ANTXR2: variants seen among roughly 807,000 people sequenced by gnomAD.
ANTXR2 encodes ANTXR cell adhesion molecule 2, also known as anthrax toxin receptor 2.
Under a neutral mutation model 73.7 loss-of-function variants are expected in ANTXR2, and 44 were observed. That is an observed-to-expected ratio of 0.60 (90% CI 0.47 to 0.77). The LOEUF (loss-of-function observed/expected upper bound fraction) is 0.77, where lower values mean the gene tolerates loss of function less well. Ranked by LOEUF, ANTXR2 falls within the 30% of genes least tolerant of loss-of-function variation. The pLI, the probability that ANTXR2 is intolerant of heterozygous loss-of-function variation, is 0.00. For missense variants in ANTXR2, 604 were observed against 592.5 expected (o/e 1.02, Z -0.20); for synonymous variants, 217 against 205.9 (o/e 1.05, Z -0.46).
intron 8 of ANTXR2, among the ~76,000 whole-genome samples, 178 bp from the exon 9 acceptor site, chr4:80,033,748 T>C (rs1732815824): frequency 6.6e-6 from 1 of 152,056 alleles, no homozygotes; most frequent in South Asian, 2.1e-4. Context: ...CCAGACCCTC[T>C]AGGTAAATGT....
intron 16 of ANTXR2, among the ~76,000 whole-genome samples, chr4:79,956,085 A>G (rs909094347): frequency 1.3e-5 from 2 of 152,154 alleles, no homozygotes; most frequent in African/African-American, 4.8e-5. Flanking sequence ...CACAACTTCT[A>G]AGGTTTCTTG....
chr4:79,916,672 C>T (rs1269891758), intron 16 of ANTXR2, among the ~76,000 whole-genome samples: 3 of 151,768 alleles, frequency 2.0e-5, no homozygotes, highest in African/African-American at 4.8e-5. Context: ...AGAGAAAAGT[C>T]GAATAAATTA....
chr4:80,038,194 C>T (rs975240608), intron 7 of ANTXR2, among the ~76,000 whole-genome samples: 3 of 152,008 alleles, frequency 2.0e-5, no homozygotes, highest in South Asian at 2.1e-4. Flanking sequence ...AACATGCATC[C>T]GGAATGACTT....
At chr4:79,958,066 T>A (rs1056545875) in intron 16 of ANTXR2, among the ~76,000 whole-genome samples, 17 of 152,084 alleles carry the variant, frequency 1.1e-4, no homozygotes, top group Admixed American at 1.3e-4. Flanking sequence ...TTCATCTTTT[T>A]TCCTTTTCTT....
chr4:79,981,794 A>G (rs1159986891), intron 14 of ANTXR2, among the ~76,000 whole-genome samples: 6 of 152,096 alleles, frequency 3.9e-5, no homozygotes, highest in Non-Finnish European at 7.4e-5. Context: ...GGAATACTCC[A>G]TGCAAGGTAG....
intron 16 of ANTXR2, among the ~76,000 whole-genome samples, chr4:79,954,979 G>A (rs1259139694): frequency 6.6e-6 from 1 of 152,164 alleles, no homozygotes; most frequent in Non-Finnish European, 1.5e-5. Flanking sequence ...AACAGTTCCA[G>A]TATCTATATG....
chr4:80,036,005 G>T lies in ANTXR2; in HGVS notation c.664C>A (p.Leu222Ile). 1 of 1,532,344 alleles carries T rather than the reference G, an allele frequency of 6.5e-7. No homozygotes were observed. The highest frequency in any genetic ancestry group is 2.2e-5 in the Admixed American group (1 of 46,510). 94.9% of individuals were successfully genotyped at this position (1,532,344 alleles called of 1,614,324 possible). Residue 222 changes from leucine (L) to isoleucine (I), a missense_variant, in exon 8 of 17, where the codon CTA becomes ATA. Leu to Ile is a conservative substitution (Grantham distance 5, BLOSUM62 2). Transcript: ENST00000403729. ...CAGACACTTGAGGGCTGCAATTCTA[G>T]GATTTCAGTACATGACTGAGCTAGT... ...SILAQSCTEI[L>I]ELQPSSVCVG...
At chr4:79,919,873 ATAT>A (rs1727511002) in intron 16 of ANTXR2, among the ~76,000 whole-genome samples, 1 of 5,256 alleles carries the variant, frequency 1.9e-4, no homozygotes, top group African/African-American at 8.5e-4. Context: ...TTTTATATAT[ATAT>A]ATATATATAT....
At chr4:79,946,820 G>A (rs1728534148) in intron 16 of ANTXR2, among the ~76,000 whole-genome samples, 1 of 152,070 alleles carries the variant, frequency 6.6e-6, no homozygotes, top group Admixed American at 6.6e-5. Context: ...GTTTAGAATG[G>A]TTGCTGTTAC....
At chr4:79,916,505 A>G (rs1422600242) in intron 16 of ANTXR2, among the ~76,000 whole-genome samples, 2 of 152,120 alleles carry the variant, frequency 1.3e-5, no homozygotes, top group African/African-American at 4.8e-5. Flanking sequence ...TCTAATCTCA[A>G]TTAGAATACA....
At chr4:80,040,177 A>G (rs1309327399) in intron 7 of ANTXR2, among the ~76,000 whole-genome samples, 1 of 151,978 alleles carries the variant, frequency 6.6e-6, no homozygotes, top group Admixed American at 6.6e-5. Context: ...TATGTTCAGT[A>G]CCTGGGTGAT....
intron 11 of ANTXR2, among the ~76,000 whole-genome samples, chr4:80,014,077 T>A (rs1198702098): frequency 6.6e-6 from 1 of 152,152 alleles, no homozygotes; most frequent in South Asian, 2.1e-4. Flanking sequence ...ACCTTGGAAT[T>A]CTATCTTCCT....
At chr4:79,963,627 C>T (rs929975474) in intron 16 of ANTXR2, among the ~76,000 whole-genome samples, 95 of 152,164 alleles carry the variant, frequency 6.2e-4, no homozygotes, top group African/African-American at 2.2e-3. Flanking sequence ...ACTTTTGAGT[C>T]AGCATCTCTC....
At position 80,017,414 on chromosome 4, in the gene ANTXR2, T is replaced by A. The variant is rs527377724; in HGVS notation, c.945+1484A>T. 6.6e-5 allele frequency among the ~76,000 whole-genome samples: 10 copies of A among 152,258 alleles called. No individual in the cohort carries two copies. The South Asian group carries it at 2.1e-3, about 32-fold the overall frequency. ...TCTTGACTGTTACAGCTTGCTCCTTTCCCCTTACCTCATCATTGACACATC... is the reference window on the plus strand; with the variant it reads ...TCTTGACTGTTACAGCTTGCTCCTTACCCCTTACCTCATCATTGACACATC... On this transcript the variant is annotated intron_variant, in intron 11 of 16. Coordinates refer to ENST00000403729, the MANE Select transcript of ANTXR2 (RefSeq NM_058172.6).
intron 8 of ANTXR2, 61 bp downstream of exon 8, chr4:80,035,911 T>A (rs1275718284): frequency 7.3e-7 from 1 of 1,369,634 alleles, no homozygotes; most frequent in African/African-American, 1.5e-5. Flanking sequence ...TCATATCATA[T>A]ATTTTAGCTA....
At chr4:79,951,618 A>T (rs1420190612) in intron 16 of ANTXR2, among the ~76,000 whole-genome samples, 2 of 151,866 alleles carry the variant, frequency 1.3e-5, no homozygotes, top group Non-Finnish European at 2.9e-5. Flanking sequence ...CAAAAAGAAC[A>T]ACCAAACGGG....
At chr4:80,039,951 T>C (rs1733156640) in intron 7 of ANTXR2, among the ~76,000 whole-genome samples, 1 of 152,028 alleles carries the variant, frequency 6.6e-6, no homozygotes, top group Admixed American at 6.6e-5. Context: ...ATGAATGAAA[T>C]ATTGTTCTTT....
chr4:79,930,466 T>C (rs1728012579), intron 16 of ANTXR2, among the ~76,000 whole-genome samples: 1 of 152,214 alleles, frequency 6.6e-6, no homozygotes, highest in South Asian at 2.1e-4. Flanking sequence ...CATTTCCATC[T>C]TCCTAAAATG....
chr4:79,928,229 A>G (rs975764233), intron 16 of ANTXR2, among the ~76,000 whole-genome samples: 2 of 152,242 alleles, frequency 1.3e-5, no homozygotes, highest in Non-Finnish European at 2.9e-5. Flanking sequence ...ACCATAAGGC[A>G]CTATGGCAGG....
Sources: gnomAD v4.1 joint callset for allele counts (sites outside exome capture counted in the v4.1 genomes callset) on GRCh38, gnomAD v4.1.1 for gene constraint, MANE v1.5 for transcripts, NCBI Gene and HGNC (gene_info 2026-07-23, HGNC 2026-07-21) for gene names.